SPHKAP: variants seen among roughly 807,000 people sequenced by gnomAD.
The protein encoded by SPHKAP is A-kinase anchor protein SPHKAP.
A neutral mutation model predicts 137.5 loss-of-function variants in SPHKAP; 67 were observed. The ratio of observed to expected loss-of-function variants is 0.49; its 90% CI spans 0.40 to 0.60. SPHKAP has a LOEUF of 0.60. SPHKAP is among the 20% of genes least tolerant of loss of function. The pLI is 0.00. For synonymous variants in SPHKAP, 813 were observed against 785.3 expected, an observed-to-expected ratio of 1.04 and a Z score of -0.59; for missense variants, 2,097 against 2,069.3, an observed-to-expected ratio of 1.01 and a Z score of -0.26.
At chr2:228,172,480 T>C (rs779590029) in intron 1 of SPHKAP, among the ~76,000 whole-genome samples, 1 of 152,166 alleles carries the variant, frequency 6.6e-6, no homozygotes, top group East Asian at 1.9e-4. Flanking sequence ...TCCAGGAATA[T>C]GTTGTTAGGT....
chr2:228,046,869 G>A (rs765894383), intron 3 of SPHKAP, among the ~76,000 whole-genome samples: 1 of 152,112 alleles, frequency 6.6e-6, no homozygotes, highest in Non-Finnish European at 1.5e-5. Flanking sequence ...CTGGGCAAGG[G>A]CAGCTGAGCA....
intron 2 of SPHKAP, among the ~76,000 whole-genome samples, chr2:228,122,392 A>G (rs1352073920): frequency 6.6e-6 from 1 of 152,222 alleles, no homozygotes; most frequent in African/African-American, 2.4e-5. Context: ...AGAGAACAGA[A>G]CAAGGTTGGC....
At position 228,016,811 on chromosome 2, in the gene SPHKAP, G is replaced by C. The variant is rs1274262780; in HGVS notation, c.4043C>G (p.Ala1348Gly). Residue 1348 changes from alanine (A) to glycine (G), a missense_variant, in exon 7 of 12, where the codon GCA becomes GGA. Coordinates refer to ENST00000392056, the MANE Select transcript of SPHKAP (RefSeq NM_001142644.2). ...GGSPSQAEKC[A>G]NRLAASRMCS... ...CATCCTGCTCGCAGCTAATCTATTT[G>C]CACACTTCTCTGCTTGCGAGGGAGA... 1 of 1,613,992 alleles carries C rather than the reference G, an allele frequency of 6.2e-7. No homozygotes were observed.
intron 3 of SPHKAP, among the ~76,000 whole-genome samples, chr2:228,031,144 T>G (rs1695296763): frequency 6.6e-6 from 1 of 152,200 alleles, no homozygotes; most frequent in South Asian, 2.1e-4. Flanking sequence ...AGACGGCACC[T>G]GGAAAATTGG....
rs1453791895 is a variant in SPHKAP, at chr2:228,098,761, A to T, written c.246+10071T>A. On this transcript the variant is annotated intron_variant, in intron 3 of 11. Coordinates refer to ENST00000392056, the MANE Select transcript of SPHKAP (RefSeq NM_001142644.2). Reference sequence around the variant, plus strand: ...CATGTACCCTAAACCTTAAAGTATAAAAAAAAAAAAAAAAAAGTGTCTGTT... The same window carrying T: ...CATGTACCCTAAACCTTAAAGTATATAAAAAAAAAAAAAAAAGTGTCTGTT... Among the ~76,000 whole-genome samples, 24 of 1,198 alleles carry T rather than the reference A, an allele frequency of 0.02. No homozygotes were observed. The African/African-American group carries it at 0.24, about 12-fold the overall frequency. 0.8% of individuals were successfully genotyped at this position (1,198 alleles called of 152,430 possible). A position where few individuals can be genotyped will look rare whatever the true frequency, so the allele number is the denominator to read the frequency against.
chr2:228,123,654 C>T (rs920863649), intron 2 of SPHKAP, among the ~76,000 whole-genome samples: 3 of 152,154 alleles, frequency 2.0e-5, no homozygotes, highest in Admixed American at 2.0e-4. Context: ...AGCAATGAAA[C>T]TCTGACTAAT....
Position 228,181,256 on chromosome 2 carries a change from C to T in SPHKAP, c.32+311G>A, listed in dbSNP as rs543583328. Among the ~76,000 whole-genome samples, 1 of 152,314 alleles carries T rather than the reference C, an allele frequency of 6.6e-6. No homozygotes were observed. Among genetic ancestry groups the T allele is most frequent in the South Asian group, 2.1e-4 (1 of 4,828 alleles). On this transcript the variant is annotated intron_variant, in intron 1 of 11. Transcript: ENST00000392056. The surrounding 1 kb of genome is among the most constrained non-coding windows in gnomAD (Gnocchi z 4.3). ...CAAGCTGTGTCCGCGGAAAGTCCGG[C>T]TCCTGGCTCCACCTAGGGCAGAGCA...
At chr2:228,132,853 AAT>A (rs1380101506) in intron 1 of SPHKAP, among the ~76,000 whole-genome samples, 1 of 150,910 alleles carries the variant, frequency 6.6e-6, no homozygotes, top group Non-Finnish European at 1.5e-5. Flanking sequence ...CAAAAAAAAA[AAT>A]AAGCCAGGTG....
At chr2:228,163,997 G>A (rs1700350798) in intron 1 of SPHKAP, among the ~76,000 whole-genome samples, 1 of 152,120 alleles carries the variant, frequency 6.6e-6, no homozygotes, top group African/African-American at 2.4e-5. Context: ...TGATATTTGG[G>A]TCAGTGGACT....
At chr2:228,115,298 CT>C (rs1180935012) in intron 2 of SPHKAP, among the ~76,000 whole-genome samples, 1 of 152,076 alleles carries the variant, frequency 6.6e-6, no homozygotes, top group East Asian at 1.9e-4. Flanking sequence ...TTAGTTATTA[CT>C]TTTGGATTTC....
intron 3 of SPHKAP, among the ~76,000 whole-genome samples, chr2:228,053,875 G>A (rs1696346421): frequency 1.3e-5 from 2 of 151,976 alleles, no homozygotes; most frequent in Admixed American, 6.6e-5. Context: ...TGTCCTTTGT[G>A]GTTTTATACA....
intron 7 of SPHKAP, among the ~76,000 whole-genome samples, chr2:228,015,157 G>C (rs1389968453): frequency 6.8e-6 from 1 of 147,980 alleles, no homozygotes; most frequent in African/African-American, 2.5e-5. Flanking sequence ...ACCTATGAGT[G>C]AGAACATGCA....
At position 227,983,883 on chromosome 2, in the gene SPHKAP, C is replaced by T. The variant is rs536982772; in HGVS notation, c.4960-2023G>A. Reference sequence around the variant, plus strand: ...CAAAATAAAAGCTGGTCATGGGGCACGTTTCTTATCACGTGGTGACTGAGT... The same window carrying T: ...CAAAATAAAAGCTGGTCATGGGGCATGTTTCTTATCACGTGGTGACTGAGT... On this transcript the variant is annotated intron_variant, in intron 11 of 11. Coordinates refer to ENST00000392056, the MANE Select transcript of SPHKAP (RefSeq NM_001142644.2). Among the ~76,000 whole-genome samples, 66 of 152,104 alleles carry T rather than the reference C, an allele frequency of 4.3e-4. No individual in the cohort carries two copies. In the South Asian group the frequency reaches 0.014, roughly 32 times the overall value.
At chr2:228,048,897 C>T (rs1377407228) in intron 3 of SPHKAP, among the ~76,000 whole-genome samples, 2 of 152,116 alleles carry the variant, frequency 1.3e-5, no homozygotes, top group African/African-American at 4.8e-5. Context: ...TGTAAGCGCA[C>T]TCTATGTTTG....
chr2:228,053,032 C>T lies in SPHKAP; in HGVS notation c.247-25489G>A, dbSNP rs1253540451. ...CTTAAGCAATAGAAATTTATTTTCT[C>T]ATTGTTGTGGAGGCTAGATGTCCTA... On this transcript the variant is annotated intron_variant, in intron 3 of 11. Transcript: ENST00000392056. Among the ~76,000 whole-genome samples the T allele has an allele frequency of 2.6e-5, 4 of 152,104 alleles. No individual in the cohort carries two copies. The East Asian group carries it at 7.7e-4, about 29-fold the overall frequency.
chr2:228,037,708 A>G (rs1695678580), intron 3 of SPHKAP, among the ~76,000 whole-genome samples: 1 of 152,190 alleles, frequency 6.6e-6, no homozygotes, highest in Admixed American at 6.6e-5. Flanking sequence ...CGAAATGGAA[A>G]GAGATAAGCA....
At chr2:228,048,341 G>A (rs1024320530) in intron 3 of SPHKAP, among the ~76,000 whole-genome samples, 1 of 145,052 alleles carries the variant, frequency 6.9e-6, no homozygotes, top group Admixed American at 6.9e-5. Flanking sequence ...TTGGTGAAAC[G>A]GGGGGGTGGA....
intron 3 of SPHKAP, among the ~76,000 whole-genome samples, chr2:228,059,763 C>A (rs1394736173): frequency 6.6e-6 from 1 of 152,200 alleles, no homozygotes; most frequent in African/African-American, 2.4e-5. Context: ...GCAGTCTGCT[C>A]AGTGTTACAG....
intron 1 of SPHKAP, among the ~76,000 whole-genome samples, chr2:228,139,851 TACC>T (rs1219397675): frequency 6.6e-6 from 1 of 151,974 alleles, no homozygotes; most frequent in Non-Finnish European, 1.5e-5. Context: ...TATACATGAA[TACC>T]ACTAGATGGT....
Sources: gnomAD v4.1 joint callset for allele counts (sites outside exome capture counted in the v4.1 genomes callset) on GRCh38, gnomAD v4.1.1 for gene constraint, Gnocchi (gnomAD v3.1) non-coding constraint, MANE v1.5 for transcripts, NCBI Gene and HGNC (gene_info 2026-07-23, HGNC 2026-07-21) for gene names.